Variants in ZNF407 observed in about 807,000 individuals in gnomAD.
ZNF407 encodes zinc finger protein 407.
ZNF407 carries 17 observed loss-of-function variants against 131.2 expected under a neutral mutation model. That is an observed-to-expected ratio of 0.13 (90% CI 0.09 to 0.19). The LOEUF (loss-of-function observed/expected upper bound fraction) is 0.19. Ranked by LOEUF, ZNF407 falls within the 10% of genes least tolerant of loss-of-function variation. ZNF407 has a pLI of 1.00. For synonymous variants in ZNF407, 1,156 were observed against 1,062.0 expected, an observed-to-expected ratio of 1.09 and a Z score of -1.72; for missense variants, 2,681 against 2,830.6, an observed-to-expected ratio of 0.95 and a Z score of 1.20.
chr18:75,001,977 C>T (rs1972850237), intron 8 of ZNF407, among the ~76,000 whole-genome samples: 1 of 152,172 alleles, frequency 6.6e-6, no homozygotes, highest in Non-Finnish European at 1.5e-5. Flanking sequence ...AATGCACAGG[C>T]AGCCCCCATA....
intron 1 of ZNF407, among the ~76,000 whole-genome samples, chr18:74,627,792 C>T (rs28607219): frequency 1.8e-5 from 2 of 108,622 alleles, no homozygotes; most frequent in African/African-American, 3.4e-5. Flanking sequence ...CTCTCTCTCT[C>T]TCTTTCTCTC....
chr18:74,683,536 C>T (rs494721), intron 3 of ZNF407, among the ~76,000 whole-genome samples: 120,652 of 152,140 alleles, frequency 0.79, 47,956 homozygotes, highest in East Asian at 0.89. Context: ...ATGCAATGCT[C>T]CTTTTTTCTT....
rs1051280221 is a variant in ZNF407 at position 74,924,194 on chromosome 18, A to G, written c.5428+3502A>G. ...TCAGAGTTTATTTGCCCTTGTAGGC[A>G]CCAGTCACTGAATGAAGTACAGTGG... On this transcript the variant is annotated intron_variant, in intron 8 of 8. Coordinates refer to ENST00000299687, the MANE Select transcript of ZNF407 (RefSeq NM_017757.3). 7.9e-5 allele frequency among the ~76,000 whole-genome samples: 12 copies of G among 152,322 alleles called. No homozygotes were observed. In the South Asian group the frequency reaches 1.0e-3, roughly 13 times the overall value.
At chr18:74,791,833 G>T (rs1023616130) in intron 4 of ZNF407, among the ~76,000 whole-genome samples, 12 of 152,124 alleles carry the variant, frequency 7.9e-5, no homozygotes, top group African/African-American at 2.9e-4. Context: ...TCCTGTCTGC[G>T]CTTTGAAGAA....
intron 6 of ZNF407, among the ~76,000 whole-genome samples, chr18:74,886,409 T>C (rs1388966755): frequency 5.5e-5 from 4 of 73,296 alleles, no homozygotes; most frequent in Non-Finnish European, 9.1e-5. Flanking sequence ...TACTCCAGGA[T>C]TTACCCAAGG....
In ZNF407 at chr18:74,635,134, T is replaced by G. The variant is rs973535920; in HGVS notation, c.4115T>G (p.Ile1372Arg). 6.2e-7 allele frequency: 1 copy of G among 1,614,010 alleles called. No homozygotes were observed. The highest frequency in any genetic ancestry group is 1.1e-5 in the South Asian group (1 of 91,084). ...RIKNPEDGEL[I>R]DQSEEGLIAT... Reference sequence around the variant, plus strand: ...AAGAACCCTGAAGATGGTGAGTTGATAGACCAGTCTGAAGAGGGCTTGATA... The same window carrying G: ...AAGAACCCTGAAGATGGTGAGTTGAGAGACCAGTCTGAAGAGGGCTTGATA... The change falls in exon 2 of 9, where the codon ATA (isoleucine) becomes AGA (arginine). Residue 1372 changes from isoleucine to arginine, a missense_variant. By Grantham distance (97) the Ile-to-Arg change is moderately conservative. Coordinates refer to ENST00000299687, the MANE Select transcript of ZNF407 (RefSeq NM_017757.3). The surrounding 1 kb of genome is among the most constrained non-coding windows in gnomAD (Gnocchi z 4.7).
At chr18:74,903,312 T>A (rs1017125400) in intron 7 of ZNF407, among the ~76,000 whole-genome samples, 1 of 152,244 alleles carries the variant, frequency 6.6e-6, no homozygotes, top group Non-Finnish European at 1.5e-5. Context: ...ATTATTCATA[T>A]ATGCACACAT....
At chr18:74,604,803 A>G (rs1279532199) in intron 1 of ZNF407, among the ~76,000 whole-genome samples, 1 of 152,204 alleles carries the variant, frequency 6.6e-6, no homozygotes, top group Non-Finnish European at 1.5e-5. Flanking sequence ...TTTGAGGTAT[A>G]TACTACATTT....
Position 74,655,461 on chromosome 18 carries a change from A to G in ZNF407, c.4802+14339A>G, listed in dbSNP as rs560436397. ...AAATCTGCCTTGCAACTGGACTGGTATCTATCCACTAGATTATAGAAATCA... is the reference window on the plus strand; with the variant it reads ...AAATCTGCCTTGCAACTGGACTGGTGTCTATCCACTAGATTATAGAAATCA... On this transcript the variant is annotated intron_variant, in intron 3 of 8. Coordinates refer to ENST00000299687, the MANE Select transcript of ZNF407 (RefSeq NM_017757.3). 2.0e-5 allele frequency among the ~76,000 whole-genome samples: 3 copies of G among 152,240 alleles called. No individual in the cohort carries two copies. The South Asian group carries it at 6.2e-4, about 32-fold the overall frequency.
intron 4 of ZNF407, among the ~76,000 whole-genome samples, chr18:74,826,470 A>G (rs535248170): frequency 6.6e-6 from 1 of 152,364 alleles, no homozygotes; most frequent in South Asian, 2.1e-4. Flanking sequence ...CATTTTCTTC[A>G]GAAACAGAGC....
At chr18:74,933,197 G>A (rs914119142) in intron 8 of ZNF407, among the ~76,000 whole-genome samples, 17 of 152,152 alleles carry the variant, frequency 1.1e-4, no homozygotes, top group Non-Finnish European at 5.9e-5. Flanking sequence ...ATACAGTGGA[G>A]CATTACTCAG....
At chr18:74,788,635 CCA>C (rs1969767333) in intron 4 of ZNF407, among the ~76,000 whole-genome samples, 1 of 148,006 alleles carries the variant, frequency 6.8e-6, no homozygotes, top group South Asian at 2.1e-4. Context: ...AAAAACACCA[CCA>C]CAGTTTACTA....
chr18:74,898,800 CT>C (rs1316648138), intron 7 of ZNF407, among the ~76,000 whole-genome samples: 1 of 152,076 alleles, frequency 6.6e-6, no homozygotes. Context: ...TAAAACAAGA[CT>C]TTTTTCCATT....
At chr18:74,685,421 G>A (rs1289346119) in intron 3 of ZNF407, among the ~76,000 whole-genome samples, 3 of 152,054 alleles carry the variant, frequency 2.0e-5, no homozygotes, top group African/African-American at 2.4e-5. Flanking sequence ...ACTGATATAG[G>A]TCTCCTGCTC....
chr18:74,623,707 CT>C (rs138146447), intron 1 of ZNF407, among the ~76,000 whole-genome samples: 16,866 of 150,714 alleles, frequency 0.11, 1,040 homozygotes, highest in Non-Finnish European at 0.14. Flanking sequence ...TTTATTGAAA[CT>C]TTTTTTTTTC....
chr18:74,784,516 CTG>C (rs761482926), intron 4 of ZNF407, among the ~76,000 whole-genome samples: 2 of 152,192 alleles, frequency 1.3e-5, no homozygotes, highest in Non-Finnish European at 2.9e-5. Context: ...CTTTGAGACT[CTG>C]TGAACACCTG....
chr18:75,019,347 C>A (rs1349296242), intron 8 of ZNF407, among the ~76,000 whole-genome samples: 1 of 152,138 alleles, frequency 6.6e-6, no homozygotes. Context: ...AGTGGCAATG[C>A]AAATTCAGCT....
chr18:74,900,797 C>T lies in ZNF407; in HGVS notation c.5249+10759C>T, dbSNP rs141569520. ...CACCTATCTTTTGTTCAGCTTATTCCAAGTAGTTATGAACATCATGTTACA... is the reference window on the plus strand; with the variant it reads ...CACCTATCTTTTGTTCAGCTTATTCTAAGTAGTTATGAACATCATGTTACA... On this transcript the variant is annotated intron_variant, in intron 7 of 8. Coordinates refer to ENST00000299687, the MANE Select transcript of ZNF407 (RefSeq NM_017757.3). 2.0e-5 allele frequency among the ~76,000 whole-genome samples: 3 copies of T among 152,234 alleles called. No homozygotes were observed. The East Asian group carries it at 5.8e-4, about 29-fold the overall frequency.
intron 4 of ZNF407, among the ~76,000 whole-genome samples, chr18:74,807,799 C>T (rs1408433415): frequency 6.6e-6 from 1 of 152,146 alleles, no homozygotes; most frequent in African/African-American, 2.4e-5. Context: ...TGTATGTGGA[C>T]ATATTTTAAT....
Sources: gnomAD v4.1 joint callset for allele counts (sites outside exome capture counted in the v4.1 genomes callset) on GRCh38, gnomAD v4.1.1 for gene constraint, Gnocchi (gnomAD v3.1) non-coding constraint, MANE v1.5 for transcripts, NCBI Gene and HGNC (gene_info 2026-07-23, HGNC 2026-07-21) for gene names.